The following PAPPA2 variants were observed in gnomAD, a reference collection of about 807,000 sequenced individuals.
PAPPA2 encodes pappalysin 2.
A neutral mutation model predicts 176.4 loss-of-function variants in PAPPA2; 86 were observed. The ratio of observed to expected loss-of-function variants is 0.49; its 90% CI spans 0.41 to 0.58. PAPPA2 has a LOEUF of 0.58. Among genes scored for constraint, PAPPA2 ranks in the 20% least tolerant of loss-of-function variants. PAPPA2 has a pLI of 0.00. For missense variants in PAPPA2, 2,073 were observed against 2,256.9 expected (o/e 0.92, Z 1.65); for synonymous variants, 809 against 852.2 (o/e 0.95, Z 0.88).
In PAPPA2 at chr1:176,555,495, A is replaced by T. The variant is rs968166506; in HGVS notation, c.-828A>T. On this transcript the variant is annotated 5_prime_UTR_variant, in exon 2 of 23. Coordinates refer to ENST00000367662, the MANE Select transcript of PAPPA2 (RefSeq NM_020318.3). The stretch of plus-strand genomic sequence containing the variant: ...GCAAACTGGCACCCCAAAGAACTTT[A>T]CGGAGACTTGCAACCTATCAACAAG... 2 of 152,260 alleles carry T rather than the reference A, an allele frequency of 1.3e-5. No homozygotes were observed. The highest frequency in any genetic ancestry group is 2.9e-5 in the Non-Finnish European group (2 of 68,078). 9.4% of individuals were successfully genotyped at this position (152,260 alleles called of 1,614,324 possible). A position where few individuals can be genotyped will look rare whatever the true frequency, so the allele number is the denominator to read the frequency against.
rs1664120436 is a variant in PAPPA2 at position 176,769,458 on chromosome 1, C to G, written c.4324-149C>G. 6 of 738,050 alleles carry G rather than the reference C, an allele frequency of 8.1e-6. No individual in the cohort carries two copies. In the South Asian group the frequency reaches 1.1e-4, roughly 13 times the overall value. 45.7% of individuals were successfully genotyped at this position (738,050 alleles called of 1,614,324 possible). A position where few individuals can be genotyped will look rare whatever the true frequency, so the allele number is the denominator to read the frequency against. On this transcript the variant is annotated intron_variant, in intron 15 of 22. Coordinates refer to ENST00000367662, the MANE Select transcript of PAPPA2 (RefSeq NM_020318.3). Reference sequence around the variant, plus strand: ...AGTGTTGTAAGAATGTATATTAAAACAGTGAGGCCTGAAGAGGGAGAAAGG... The same window carrying G: ...AGTGTTGTAAGAATGTATATTAAAAGAGTGAGGCCTGAAGAGGGAGAAAGG...
rs79796297 is a variant in PAPPA2, at chr1:176,470,816, A to C, written c.-917+7398A>C. 9.5e-3 allele frequency among the ~76,000 whole-genome samples: 1,453 copies of C among 152,280 alleles called. 26 individuals are homozygous for C. Among genetic ancestry groups the C allele is most frequent in the African/African-American group, 0.033 (1,388 of 41,536 alleles). On this transcript the variant is annotated intron_variant, in intron 1 of 22. Coordinates refer to ENST00000367662, the MANE Select transcript of PAPPA2 (RefSeq NM_020318.3). ...GCCTTTTCCAAGTGGCGTCTCTTCTAATCGTGGCTGGGGCTGATTTCTAAT... is the reference window on the plus strand; with the variant it reads ...GCCTTTTCCAAGTGGCGTCTCTTCTCATCGTGGCTGGGGCTGATTTCTAAT...
At chr1:176,717,968 A>C (rs1332881174) in intron 12 of PAPPA2, among the ~76,000 whole-genome samples, 1 of 152,176 alleles carries the variant, frequency 6.6e-6, no homozygotes, top group African/African-American at 2.4e-5. Flanking sequence ...TAAGTTTCTT[A>C]AATAAGTTTC....
intron 2 of PAPPA2, among the ~76,000 whole-genome samples, chr1:176,572,158 T>G (rs1652384270): frequency 1.3e-5 from 2 of 152,216 alleles, no homozygotes; most frequent in Non-Finnish European, 2.9e-5. Context: ...TTATTTCCAC[T>G]CTTCCAGGAT....
intron 15 of PAPPA2, among the ~76,000 whole-genome samples, chr1:176,766,303 T>C (rs1192001389): frequency 6.6e-6 from 1 of 152,202 alleles, no homozygotes; most frequent in Non-Finnish European, 1.5e-5. Flanking sequence ...AGAGATTCTG[T>C]CATGATTCTC....
chr1:176,836,880 A>G (rs1269184199), intron 21 of PAPPA2: 1 of 152,150 alleles, frequency 6.6e-6, no homozygotes, highest in Non-Finnish European at 1.5e-5. Flanking sequence ...ACTATGTTTC[A>G]TTTATCTTTG....
Position 176,769,789 on chromosome 1 carries a change from T to C in PAPPA2, c.4501+5T>C. On this transcript the variant is annotated splice_donor_5th_base_variant and intron_variant, in intron 16 of 22. Coordinates refer to ENST00000367662, the MANE Select transcript of PAPPA2 (RefSeq NM_020318.3). ...TCCCACCAGCCAAGCTGCAAGGTAT[T>C]GTCTGGTCAACCAGGAACTGTATGC... is the stretch of plus-strand genomic sequence containing the variant. 6 of 1,598,480 alleles carry C rather than the reference T, an allele frequency of 3.8e-6. No individual in the cohort carries two copies. The highest frequency in any genetic ancestry group is 1.1e-5 in the South Asian group (1 of 88,108).
intron 12 of PAPPA2, among the ~76,000 whole-genome samples, chr1:176,734,986 C>T (rs1351061850): frequency 6.6e-6 from 1 of 151,966 alleles, no homozygotes; most frequent in Non-Finnish European, 1.5e-5. Flanking sequence ...TCCTGCTTAC[C>T]CCAAACTAAG....
At chr1:176,809,919 A>T (rs140482734) in intron 21 of PAPPA2, among the ~76,000 whole-genome samples, 6 of 145,404 alleles carry the variant, frequency 4.1e-5, no homozygotes, top group Non-Finnish European at 7.5e-5. Flanking sequence ...CACTTTGTGG[A>T]GTTTTGTCTC....
At chr1:176,699,002 G>T (rs1202216529) in intron 7 of PAPPA2, 98 bp from the exon 8 acceptor site, 45 of 1,423,384 alleles carry the variant, frequency 3.2e-5, no homozygotes, top group Non-Finnish European at 4.3e-5. Flanking sequence ...AATTCTAAAA[G>T]TTCTCTCCAT....
rs180975609 is a variant in PAPPA2, at chr1:176,556,341, C to G, written c.19C>G (p.Leu7Val). 9 of 1,613,804 alleles carry G rather than the reference C, an allele frequency of 5.6e-6. No homozygotes were observed. In the East Asian group the frequency reaches 2.0e-4, roughly 36 times the overall value. The change falls in exon 2 of 23, where the codon CTA becomes GTA. Residue 7 changes from leucine (L) to valine (V), a missense_variant. Physicochemically the swap from Leu to Val is conservative, Grantham distance 32. Around this residue, in one of 4 missense-constraint regions of PAPPA2, gnomAD observed 1,196 missense variants for 1,330.4 expected, o/e 0.90. Transcript: ENST00000367662. The part of the protein sequence containing the change: MMCLKI[L>V]RISLAILAGW... ...GGGAGGTATGATGTGCTTAAAGATCCTAAGAATAAGCCTGGCGATTTTGGC... is the reference window on the plus strand; with the variant it reads ...GGGAGGTATGATGTGCTTAAAGATCGTAAGAATAAGCCTGGCGATTTTGGC...
intron 12 of PAPPA2, among the ~76,000 whole-genome samples, chr1:176,713,692 G>C (rs891865184): frequency 3.9e-5 from 6 of 152,084 alleles, no homozygotes; most frequent in Non-Finnish European, 8.8e-5. Context: ...CAGGCCCAAA[G>C]ACAATCATGG....
At chr1:176,715,212 A>G (rs1041937285) in intron 12 of PAPPA2, among the ~76,000 whole-genome samples, 1 of 152,300 alleles carries the variant, frequency 6.6e-6, no homozygotes, top group African/African-American at 2.4e-5. Flanking sequence ...CAAAAACAAA[A>G]GTTTCCCTTC....
At chr1:176,746,469 C>T (rs905152021) in intron 14 of PAPPA2, among the ~76,000 whole-genome samples, 2 of 152,128 alleles carry the variant, frequency 1.3e-5, no homozygotes, top group Admixed American at 6.5e-5. Context: ...TGCAGTGGCT[C>T]GATCTTGGCT....
At chr1:176,569,217 C>T (rs1327521429) in intron 2 of PAPPA2, among the ~76,000 whole-genome samples, 8 of 152,210 alleles carry the variant, frequency 5.3e-5, no homozygotes, top group African/African-American at 1.9e-4. Flanking sequence ...CTCACATGCA[C>T]TCACGCATAT....
At chr1:176,789,025 G>C (rs932499759) in intron 17 of PAPPA2, among the ~76,000 whole-genome samples, 1 of 151,958 alleles carries the variant, frequency 6.6e-6, no homozygotes, top group Admixed American at 6.5e-5. Flanking sequence ...AACCTTTTTT[G>C]TACCCCATCT....
At chr1:176,611,164 A>G (rs951154484) in intron 3 of PAPPA2, among the ~76,000 whole-genome samples, 5 of 152,306 alleles carry the variant, frequency 3.3e-5, no homozygotes, top group Non-Finnish European at 5.9e-5. Context: ...AGAAGGACTC[A>G]ATCTGGGAGG....
chr1:176,689,496 A>T (rs1396474363), intron 4 of PAPPA2, among the ~76,000 whole-genome samples: 1 of 152,158 alleles, frequency 6.6e-6, no homozygotes, highest in East Asian at 1.9e-4. Context: ...GAGAGTAGGG[A>T]TTATTAAATC....
chr1:176,546,968 T>G (rs1462380066), intron 1 of PAPPA2, among the ~76,000 whole-genome samples: 1 of 152,186 alleles, frequency 6.6e-6, no homozygotes, highest in Admixed American at 6.6e-5. Context: ...TGGGTCAAAA[T>G]GATGAGATCA....
Sources: gnomAD v4.1 joint callset for allele counts (sites outside exome capture counted in the v4.1 genomes callset) on GRCh38, gnomAD v4.1.1 for gene constraint, gnomAD v4.1.1 regional missense constraint, MANE v1.5 for transcripts, NCBI Gene and HGNC (gene_info 2026-07-23, HGNC 2026-07-21) for gene names.